NOL4: variants seen among roughly 807,000 people sequenced by gnomAD.
NOL4 encodes cancer/testis antigen 125.
In NOL4, 17 loss-of-function variants were observed where a neutral mutation model predicts 75.9. The ratio of observed to expected loss-of-function variants is 0.22; its 90% CI spans 0.15 to 0.34. NOL4 has a LOEUF of 0.34. NOL4 is among the 10% of genes least tolerant of loss of function. The pLI, the probability that NOL4 is intolerant of heterozygous loss-of-function variation, is 1.00. For synonymous variants in NOL4, 292 were observed against 289.9 expected (o/e 1.01, Z -0.07); for missense variants, 614 against 793.5 (o/e 0.77, Z 2.72).
chr18:34,115,737 C>T lies in NOL4; in HGVS notation c.415-10577G>A, dbSNP rs11876167. Among the ~76,000 whole-genome samples the T allele has an allele frequency of 7.1e-3, 1,077 of 152,228 alleles. 14 individuals are homozygous for T. The highest frequency in any genetic ancestry group is 0.027 in the Middle Eastern group (8 of 294). ...GTAACCCTTTTTCGGGGACTTCTCT[C>T]TGCAGCAGAGAGCTGTTCTCTTTAC... On this transcript the variant is annotated intron_variant, in intron 2 of 10. Transcript: ENST00000261592.
In NOL4 at chr18:33,961,698, C is replaced by A. The variant is rs1303778865; in HGVS notation, c.1057-3280G>T. Among the ~76,000 whole-genome samples the A allele has an allele frequency of 2.0e-5, 3 of 152,032 alleles. 1 individual carries two copies. Among genetic ancestry groups the A allele is most frequent in the Admixed American group, 2.0e-4 (3 of 15,230 alleles). ...TTTAACTTGATGAGATAACCTCCGA[C>A]ACTGAGAAGAGTGGTAGAGAAGTTA... On this transcript the variant is annotated intron_variant, in intron 6 of 10. Transcript: ENST00000261592.
intron 6 of NOL4, among the ~76,000 whole-genome samples, chr18:34,010,518 T>C (rs1448286520): frequency 6.6e-6 from 1 of 151,880 alleles, no homozygotes; most frequent in Non-Finnish European, 1.5e-5. Context: ...ATCTATAACA[T>C]ACAATTTATA....
At position 34,104,065 on chromosome 18, in the gene NOL4, T is replaced by C; in HGVS notation, c.621A>G (p.Leu207=). Residue 207 remains leucine (L), a synonymous_variant, in exon 4 of 11, where the codon CTA becomes CTG. Coordinates refer to ENST00000261592, the MANE Select transcript of NOL4 (RefSeq NM_003787.5). ...AYMKHMKLQL[L]NSQQDEDESS... Reference sequence around the variant, plus strand: ...ATTTTACCTCATCTTGCTGTGAGTTTAGCAGCTGCAGCTTCATGTGTTTCA... The same window carrying C: ...ATTTTACCTCATCTTGCTGTGAGTTCAGCAGCTGCAGCTTCATGTGTTTCA... 1 of 1,610,456 alleles carries C rather than the reference T, an allele frequency of 6.2e-7. No individual in the cohort carries two copies. The highest frequency in any genetic ancestry group is 8.5e-7 in the Non-Finnish European group (1 of 1,177,044).
chr18:33,974,027 T>C (rs904592803), intron 6 of NOL4, among the ~76,000 whole-genome samples: 5 of 152,214 alleles, frequency 3.3e-5, no homozygotes, highest in African/African-American at 1.2e-4. Context: ...AAGTCCTAGA[T>C]GGCTTCTTCT....
chr18:34,126,054 C>T (rs747741778), intron 2 of NOL4, among the ~76,000 whole-genome samples: 18 of 151,946 alleles, frequency 1.2e-4, no homozygotes, highest in Admixed American at 2.6e-4. Context: ...GAAATTAGAT[C>T]CATAATTGTA....
intron 2 of NOL4, among the ~76,000 whole-genome samples, chr18:34,118,250 G>T (rs1600651262): frequency 1.3e-5 from 2 of 152,072 alleles, no homozygotes; most frequent in African/African-American, 4.8e-5. Context: ...GTACCTAAAA[G>T]AATTTGCCCT....
chr18:33,952,255 G>A (rs1236275057), intron 8 of NOL4, among the ~76,000 whole-genome samples: 1 of 151,984 alleles, frequency 6.6e-6, no homozygotes, highest in Non-Finnish European at 1.5e-5. Flanking sequence ...AAATATATTG[G>A]CTATATTCTT....
chr18:34,041,494 G>A (rs1198044826), intron 5 of NOL4, among the ~76,000 whole-genome samples: 2 of 144,856 alleles, frequency 1.4e-5, no homozygotes, highest in African/African-American at 5.1e-5. Context: ...TATCCATGGG[G>A]ACCTTATTAG....
intron 1 of NOL4, among the ~76,000 whole-genome samples, chr18:34,142,779 A>G (rs554918767): frequency 4.1e-4 from 62 of 152,276 alleles, no homozygotes; most frequent in African/African-American, 1.4e-3. Context: ...ATGTATACAT[A>G]TGTAACAAAC....
At chr18:34,192,128 G>A (rs1355336273) in intron 1 of NOL4, among the ~76,000 whole-genome samples, 1 of 152,048 alleles carries the variant, frequency 6.6e-6, no homozygotes. Context: ...ATCCTTTATT[G>A]GTATCTGCAA....
At chr18:34,113,039 C>A (rs906655796) in intron 2 of NOL4, among the ~76,000 whole-genome samples, 1 of 152,184 alleles carries the variant, frequency 6.6e-6, no homozygotes, top group Non-Finnish European at 1.5e-5. Context: ...AATCACAGCT[C>A]ACTGTAGACT....
At chr18:34,002,288 T>G (rs115073096) in intron 6 of NOL4, among the ~76,000 whole-genome samples, 1,782 of 152,200 alleles carry the variant, frequency 0.012, 32 homozygotes, top group African/African-American at 0.041. Flanking sequence ...TCCAAGCTCT[T>G]GCTGCACTGA....
intron 1 of NOL4, among the ~76,000 whole-genome samples, chr18:34,193,424 C>G (rs976663413): frequency 2.0e-5 from 3 of 151,972 alleles, no homozygotes; most frequent in Non-Finnish European, 2.9e-5. Flanking sequence ...AAATAATGAG[C>G]AAAGGATTTG....
intron 5 of NOL4, among the ~76,000 whole-genome samples, chr18:34,026,856 T>C (rs972671104): frequency 3.9e-5 from 6 of 152,162 alleles, no homozygotes; most frequent in African/African-American, 1.4e-4. Context: ...AAAAGTTTTG[T>C]TGACAAACAT....
chr18:34,082,821 C>T (rs1012077639), intron 5 of NOL4, among the ~76,000 whole-genome samples: 2 of 152,146 alleles, frequency 1.3e-5, no homozygotes, highest in African/African-American at 4.8e-5. Flanking sequence ...AGGAATGATT[C>T]TCCCTAACAT....
chr18:34,208,793 C>T (rs892096219), intron 1 of NOL4, among the ~76,000 whole-genome samples: 3 of 151,798 alleles, frequency 2.0e-5, no homozygotes, highest in African/African-American at 4.8e-5. Context: ...ACCTAGGAGG[C>T]GGAGGTTGCA....
At chr18:33,860,844 GA>G (rs2063088889) in intron 10 of NOL4, among the ~76,000 whole-genome samples, 1 of 152,014 alleles carries the variant, frequency 6.6e-6, no homozygotes. Flanking sequence ...TTAGCATGAA[GA>G]GTTGTTGAAT....
chr18:34,061,199 A>T (rs183067890), intron 5 of NOL4, among the ~76,000 whole-genome samples: 7 of 152,310 alleles, frequency 4.6e-5, no homozygotes, highest in African/African-American at 1.7e-4. Flanking sequence ...ATCTAGGTTT[A>T]TATACATGTA....
chr18:34,142,987 A>G (rs1352304141), intron 1 of NOL4, among the ~76,000 whole-genome samples: 1 of 152,024 alleles, frequency 6.6e-6, no homozygotes, highest in Non-Finnish European at 1.5e-5. Context: ...TTCTAGCTCA[A>G]TAAAGCTGTT....
Sources: gnomAD v4.1 joint callset for allele counts (sites outside exome capture counted in the v4.1 genomes callset) on GRCh38, gnomAD v4.1.1 for gene constraint, MANE v1.5 for transcripts, NCBI Gene and HGNC (gene_info 2026-07-23, HGNC 2026-07-21) for gene names.